CTNND2: variants seen among roughly 807,000 people sequenced by gnomAD.
CTNND2 encodes the protein catenin delta 2.
In CTNND2, 22 loss-of-function variants were observed where a neutral mutation model predicts 144.4. That is an observed-to-expected ratio of 0.15 (90% CI 0.11 to 0.22). The LOEUF is 0.22. CTNND2 is among the 10% of genes least tolerant of loss of function. CTNND2 has a pLI of 1.00. For missense variants in CTNND2, 1,353 were observed against 1,618.8 expected, an observed-to-expected ratio of 0.84 and a Z score of 2.82; for synonymous variants, 751 against 695.6, an observed-to-expected ratio of 1.08 and a Z score of -1.25.
intron 7 of CTNND2, among the ~76,000 whole-genome samples, chr5:11,372,654 G>A (rs1167770681): frequency 3.3e-5 from 5 of 150,752 alleles, no homozygotes; most frequent in African/African-American, 7.3e-5. Flanking sequence ...CTCACAGGAA[G>A]TAGAAAGTAG....
At chr5:11,750,351 T>C (rs529894130) in intron 1 of CTNND2, among the ~76,000 whole-genome samples, 4 of 151,974 alleles carry the variant, frequency 2.6e-5, no homozygotes, top group South Asian at 2.1e-4. Flanking sequence ...GCATAAGAGA[T>C]TGAAGAGTAA....
At chr5:11,844,246 T>C (rs988283498) in intron 1 of CTNND2, among the ~76,000 whole-genome samples, 1 of 152,170 alleles carries the variant, frequency 6.6e-6, no homozygotes, top group African/African-American at 2.4e-5. Flanking sequence ...ACAGAAACTT[T>C]TAACACAGGT....
chr5:11,548,990 C>T (rs367674138), intron 3 of CTNND2, among the ~76,000 whole-genome samples: 6 of 152,112 alleles, frequency 3.9e-5, no homozygotes, highest in African/African-American at 1.4e-4. Context: ...CTTCTGCATC[C>T]CTACCCCAAA....
intron 3 of CTNND2, among the ~76,000 whole-genome samples, chr5:11,468,676 CT>C (rs1164716901): frequency 6.6e-6 from 1 of 152,042 alleles, no homozygotes; most frequent in African/African-American, 2.4e-5. Context: ...CTATTTTTTC[CT>C]TTTTCAAATT....
intron 10 of CTNND2, among the ~76,000 whole-genome samples, chr5:11,213,946 G>A (rs773583083): frequency 9.9e-5 from 15 of 152,120 alleles, no homozygotes; most frequent in Non-Finnish European, 1.9e-4. Context: ...TCACCAAAAT[G>A]GGATTCATTC....
intron 3 of CTNND2, among the ~76,000 whole-genome samples, chr5:11,549,498 G>T (rs989680381): frequency 1.3e-5 from 2 of 152,104 alleles, no homozygotes; most frequent in African/African-American, 2.4e-5. Flanking sequence ...TGCAAATCCT[G>T]GAGAATGCCA....
At chr5:11,264,717 C>A (rs1745266120) in intron 9 of CTNND2, among the ~76,000 whole-genome samples, 1 of 152,098 alleles carries the variant, frequency 6.6e-6, no homozygotes, top group Non-Finnish European at 1.5e-5. Context: ...TTGGCCTGAG[C>A]TCAGGAGTTC....
chr5:11,205,820 G>C (rs1737984713), intron 10 of CTNND2, among the ~76,000 whole-genome samples: 2 of 152,168 alleles, frequency 1.3e-5, no homozygotes, highest in Non-Finnish European at 2.9e-5. Flanking sequence ...ACCAAGATGA[G>C]CTATGTTTCT....
intron 2 of CTNND2, among the ~76,000 whole-genome samples, chr5:11,612,742 A>C (rs1188015192): frequency 6.6e-6 from 1 of 152,038 alleles, no homozygotes; most frequent in Non-Finnish European, 1.5e-5. Context: ...CTCTACAAAA[A>C]ATAAAAAATT....
At chr5:11,113,563 A>G (rs989310505) in intron 13 of CTNND2, among the ~76,000 whole-genome samples, 1 of 152,226 alleles carries the variant, frequency 6.6e-6, no homozygotes, top group Admixed American at 6.5e-5. Context: ...AAGCGGAGAA[A>G]AATATCCAAT....
chr5:11,640,065 C>A (rs1318761308), intron 2 of CTNND2, among the ~76,000 whole-genome samples: 3 of 152,134 alleles, frequency 2.0e-5, no homozygotes, highest in Non-Finnish European at 4.4e-5. Context: ...GTTGAAAGAA[C>A]AAAGCTTATG....
chr5:11,300,804 G>C (rs1015460965), intron 9 of CTNND2, among the ~76,000 whole-genome samples: 1 of 152,044 alleles, frequency 6.6e-6, no homozygotes, highest in Non-Finnish European at 1.5e-5. Flanking sequence ...AGCACCCCCA[G>C]CCTCCACTCC....
At chr5:11,885,958 T>A (rs1736495699) in intron 1 of CTNND2, among the ~76,000 whole-genome samples, 1 of 152,092 alleles carries the variant, frequency 6.6e-6, no homozygotes, top group South Asian at 2.1e-4. Flanking sequence ...GAAGAAAATT[T>A]TAAAATTTAT....
chr5:11,477,974 A>G (rs1298777017), intron 3 of CTNND2, among the ~76,000 whole-genome samples: 1 of 152,224 alleles, frequency 6.6e-6, no homozygotes, highest in African/African-American at 2.4e-5. Context: ...AGTTGTTGGA[A>G]GTCATCCAGC....
chr5:11,762,886 T>C (rs143259496), intron 1 of CTNND2, among the ~76,000 whole-genome samples: 1 of 152,362 alleles, frequency 6.6e-6, no homozygotes, highest in African/African-American at 2.4e-5. Context: ...CTGTTCTTAA[T>C]CTAAAATACA....
chr5:11,017,677 C>T (rs994261435), intron 18 of CTNND2, among the ~76,000 whole-genome samples: 1 of 150,484 alleles, frequency 6.6e-6, no homozygotes. Context: ...ATCCCTCTGT[C>T]ATTACTTGTT....
intron 16 of CTNND2, among the ~76,000 whole-genome samples, chr5:11,063,212 A>G (rs1747196585): frequency 6.6e-6 from 1 of 152,324 alleles, no homozygotes; most frequent in Non-Finnish European, 1.5e-5. Context: ...ATCTATAAAA[A>G]CAACAAAAAA....
chr5:11,551,972 T>G (rs1375608247), intron 3 of CTNND2, among the ~76,000 whole-genome samples: 1 of 151,982 alleles, frequency 6.6e-6, no homozygotes, highest in Non-Finnish European at 1.5e-5. Context: ...TGGCCTCAAG[T>G]GATCCCCCTG....
chr5:11,050,124 T>C lies in CTNND2; in HGVS notation c.2789-27145A>G, dbSNP rs191619010. ...CCTATGGAATTTTAACTGGATGCTC[T>C]TTCTTCTTCCCTTTCTACCAATTTC... On this transcript the variant is annotated intron_variant, in intron 16 of 21. Coordinates refer to ENST00000304623, the MANE Select transcript of CTNND2 (RefSeq NM_001332.4). 1.9e-3 allele frequency among the ~76,000 whole-genome samples: 295 copies of C among 152,320 alleles called. 2 individuals are homozygous for C. Among genetic ancestry groups the C allele is most frequent in the African/African-American group, 6.7e-3 (279 of 41,564 alleles).
Sources: allele counts gnomAD v4.1 joint callset (sites outside exome capture counted in the v4.1 genomes callset), GRCh38; gene constraint gnomAD v4.1.1; transcripts MANE v1.5; gene names NCBI Gene and HGNC (gene_info 2026-07-23, HGNC 2026-07-21).